The following CALD1 variants were observed in gnomAD, a reference collection of about 807,000 sequenced individuals.
CALD1 encodes caldesmon 1.
Under a neutral mutation model 99.9 loss-of-function variants are expected in CALD1, and 33 were observed. The observed-to-expected ratio is 0.33, with a 90% CI of 0.25 to 0.44. The LOEUF (loss-of-function observed/expected upper bound fraction) is 0.44, where lower values mean the gene tolerates loss of function less well. Among genes scored for constraint, CALD1 ranks in the 20% least tolerant of loss-of-function variants. The pLI is 1.00. For missense variants in CALD1, 861 were observed against 962.1 expected (o/e 0.89, Z 1.39); for synonymous variants, 310 against 325.0 (o/e 0.95, Z 0.50).
chr7:134,965,115 C>CA lies in CALD1; in HGVS notation c.2296-183dup, dbSNP rs540900282. 379 of 476,328 alleles carry CA rather than the reference C, an allele frequency of 8.0e-4. 5 individuals are homozygous for CA. The highest frequency in any genetic ancestry group is 6.4e-3 in the South Asian group (294 of 45,948). 29.5% of individuals were successfully genotyped at this position (476,328 alleles called of 1,614,324 possible). ...TGGGCTACAGAGTGAGACTCTGTCTCAAAAAAAATAAAAAAATAAAAAAAT... is the reference window on the plus strand; with the variant it reads ...TGGGCTACAGAGTGAGACTCTGTCTCAAAAAAAAATAAAAAAATAAAAAAAT... On this transcript the variant is annotated intron_variant, in intron 13 of 14. Coordinates refer to ENST00000361675, the MANE Select transcript of CALD1 (RefSeq NM_033138.4).
intron 8 of CALD1, chr7:134,948,004 G>GT: frequency 2.2e-6 from 1 of 455,574 alleles, no homozygotes; most frequent in Admixed American, 3.8e-5. Context: ...GCACAGAGAG[G>GT]TTTTGTTTTT....
intron 1 of CALD1, among the ~76,000 whole-genome samples, chr7:134,772,624 C>A (rs1006219344): frequency 2.2e-4 from 34 of 152,224 alleles, no homozygotes; most frequent in African/African-American, 6.0e-4. Flanking sequence ...TACATTCTTA[C>A]GATTGTGGTA....
At chr7:134,758,471 T>C (rs961169453) in intron 1 of CALD1, among the ~76,000 whole-genome samples, 2 of 151,754 alleles carry the variant, frequency 1.3e-5, no homozygotes, top group African/African-American at 4.8e-5. Context: ...TTAGCTCTCC[T>C]TTCTTTTAAA....
chr7:134,729,325 A>G, the CALD1 span, among the ~76,000 whole-genome samples: 1 of 152,248 alleles, frequency 6.6e-6, no homozygotes, highest in Non-Finnish European at 1.5e-5. Flanking sequence ...GGGACAGAGA[A>G]GTCAAATGAC....
At chr7:134,865,415 T>C (rs1800760478) in intron 2 of CALD1, among the ~76,000 whole-genome samples, 1 of 151,592 alleles carries the variant, frequency 6.6e-6, no homozygotes, top group African/African-American at 2.4e-5. Context: ...TGCTTTCCTC[T>C]AAGCTACACC....
rs984583244 is a variant in CALD1, at chr7:134,881,542, T to C, written c.71+13738T>C. Among the ~76,000 whole-genome samples the C allele has an allele frequency of 3.3e-5, 5 of 151,002 alleles. No homozygotes were observed. The Middle Eastern group carries it at 0.014, about 411-fold the overall frequency. On this transcript the variant is annotated intron_variant, in intron 3 of 14. Transcript: ENST00000361675. ...ATGTCATCGAAAGTATAAAGGGTAA[T>C]GCGCATGACGTACGTTTATCATGTT...
rs534395272 is a variant in CALD1, at chr7:134,806,109, C to T, written c.-130+26360C>T. Among the ~76,000 whole-genome samples, 4 of 152,278 alleles carry T rather than the reference C, an allele frequency of 2.6e-5. No individual in the cohort carries two copies. The South Asian group carries it at 8.3e-4, about 32-fold the overall frequency. ...TTCCTCTGAGTTGTAAGCAAAGGGT[C>T]AACATTCTGAGAAGTCTTAGGGCAT... On this transcript the variant is annotated intron_variant, in intron 1 of 14. Coordinates refer to ENST00000361675, the MANE Select transcript of CALD1 (RefSeq NM_033138.4).
intron 13 of CALD1, among the ~76,000 whole-genome samples, chr7:134,963,917 G>A (rs1808466332): frequency 6.6e-6 from 1 of 152,216 alleles, no homozygotes; most frequent in Admixed American, 6.5e-5. Flanking sequence ...GGGACTTTGT[G>A]GCTGGGCGCG....
At chr7:134,966,806 G>A (rs188359315) in intron 14 of CALD1, among the ~76,000 whole-genome samples, 15 of 152,210 alleles carry the variant, frequency 9.9e-5, no homozygotes, top group Non-Finnish European at 2.9e-5. Context: ...CAAAGAATGA[G>A]CTTGTTGACC....
At chr7:134,906,777 C>T (rs1209427537) in intron 3 of CALD1, among the ~76,000 whole-genome samples, 3 of 152,100 alleles carry the variant, frequency 2.0e-5, no homozygotes, top group African/African-American at 7.2e-5. Context: ...TGAGGTGATT[C>T]CTAGGGCCTC....
intron 1 of CALD1, among the ~76,000 whole-genome samples, chr7:134,793,514 C>T (rs923756774): frequency 6.6e-6 from 1 of 152,090 alleles, no homozygotes; most frequent in African/African-American, 2.4e-5. Flanking sequence ...TTATTTTAGC[C>T]TTTTTGTCCC....
chr7:134,913,609 A>T (rs1258824254), intron 3 of CALD1, among the ~76,000 whole-genome samples: 1 of 152,238 alleles, frequency 6.6e-6, no homozygotes, highest in Admixed American at 6.5e-5. Flanking sequence ...GTGCATGCTT[A>T]ATTTTTAAAA....
intron 3 of CALD1, among the ~76,000 whole-genome samples, chr7:134,903,474 A>C (rs1160300596): frequency 6.6e-6 from 1 of 152,132 alleles, no homozygotes; most frequent in African/African-American, 2.4e-5. Context: ...AAAATCTTTA[A>C]AAATAAATAA....
intron 2 of CALD1, among the ~76,000 whole-genome samples, chr7:134,844,887 C>A (rs538673487): frequency 6.6e-6 from 1 of 152,264 alleles, no homozygotes; most frequent in East Asian, 1.9e-4. Flanking sequence ...ATTAGGCCCA[C>A]CCTAAAGACC....
chr7:134,936,729 G>A (rs1283457940), intron 6 of CALD1, among the ~76,000 whole-genome samples: 4 of 152,084 alleles, frequency 2.6e-5, no homozygotes, highest in East Asian at 1.9e-4. Flanking sequence ...TCAATTTCAC[G>A]TGAAAAATGA....
intron 6 of CALD1, among the ~76,000 whole-genome samples, chr7:134,938,713 T>C (rs1366362808): frequency 6.6e-6 from 1 of 152,202 alleles, no homozygotes; most frequent in Non-Finnish European, 1.5e-5. Context: ...TAATTTTCAG[T>C]TGAACTCAAA....
intron 3 of CALD1, among the ~76,000 whole-genome samples, chr7:134,893,976 C>T (rs747836862): frequency 5.9e-5 from 9 of 152,006 alleles, no homozygotes; most frequent in East Asian, 1.9e-4. Flanking sequence ...AGGAAAAATG[C>T]GGGGAATCTG....
intron 1 of CALD1, among the ~76,000 whole-genome samples, chr7:134,832,769 G>T (rs1405167541): frequency 6.6e-6 from 1 of 152,174 alleles, no homozygotes; most frequent in African/African-American, 2.4e-5. Flanking sequence ...CTAAGTTTAA[G>T]GTTTTTCCTT....
At chr7:134,751,364 G>A (rs12537046) in intron 1 of CALD1, among the ~76,000 whole-genome samples, 19,720 of 152,084 alleles carry the variant, frequency 0.13, 1,522 homozygotes, top group Non-Finnish European at 0.17. Flanking sequence ...TTGGGGGTGC[G>A]ATTCCCAGGC....
Sources: allele counts gnomAD v4.1 joint callset (sites outside exome capture counted in the v4.1 genomes callset), GRCh38; gene constraint gnomAD v4.1.1; transcripts MANE v1.5; gene names NCBI Gene and HGNC (gene_info 2026-07-23, HGNC 2026-07-21).